The following OIT3 variants were observed in gnomAD, a reference collection of about 807,000 sequenced individuals.
OIT3 encodes oncoprotein-induced transcript 3 protein.
A neutral mutation model predicts 52.2 loss-of-function variants in OIT3; 41 were observed. The observed-to-expected ratio is 0.79, with a 90% CI of 0.61 to 1.02. The LOEUF (loss-of-function observed/expected upper bound fraction) is 1.02. Ranked by LOEUF, OIT3 falls within the 50% of genes least tolerant of loss-of-function variation. The probability of loss-of-function intolerance (pLI) is 0.00; values close to 1 mark genes in which losing one functional copy is unlikely to be tolerated. For missense variants in OIT3, 634 were observed against 715.5 expected (o/e 0.89, Z 1.30); for synonymous variants, 244 against 276.9 (o/e 0.88, Z 1.18).
chr10:72,895,564 G>A (rs1388569295), intron 1 of OIT3, among the ~76,000 whole-genome samples: 2 of 152,196 alleles, frequency 1.3e-5, no homozygotes, highest in Non-Finnish European at 2.9e-5. Context: ...GAGGAGGATG[G>A]AAGAGGATGG....
chr10:72,919,143 T>G (rs1846100022), intron 6 of OIT3, among the ~76,000 whole-genome samples: 1 of 152,204 alleles, frequency 6.6e-6, no homozygotes, highest in Non-Finnish European at 1.5e-5. Flanking sequence ...TGGTTTATAG[T>G]TCTCCTTTTA....
At chr10:72,898,544 A>T in intron 1 of OIT3, 120 bp from the exon 2 acceptor site, 1 of 919,268 alleles carries the variant, frequency 1.1e-6, no homozygotes, top group Non-Finnish European at 1.6e-6. Flanking sequence ...TTGTGACCTT[A>T]ACTAATTTCT....
Position 72,899,043 on chromosome 10 carries a change from G to A in OIT3, c.436+5G>A, listed in dbSNP as rs748043367. The stretch of plus-strand genomic sequence containing the variant: ...GCTTCCACGTCTACTGTGGTCGTGA[G>A]TACCTTCCCTGTGCTCTTTTTCTCC... On this transcript the variant is annotated splice_donor_5th_base_variant and intron_variant, in intron 2 of 8. Transcript: ENST00000334011. The A allele has an allele frequency of 2.5e-6, 4 of 1,592,594 alleles. No homozygotes were observed. The highest frequency in any genetic ancestry group is 1.1e-5 in the South Asian group (1 of 88,882).
rs1396771326 is a variant in OIT3, at chr10:72,902,046, C to A, written c.544+1562C>A. ...AGAGCAAGACCCTGTCTCTGAAAAA[C>A]AAAACAAAACAAAACAAAACATAAA... On this transcript the variant is annotated intron_variant, in intron 3 of 8. Coordinates refer to ENST00000334011, the MANE Select transcript of OIT3 (RefSeq NM_152635.3). 2.0e-5 allele frequency among the ~76,000 whole-genome samples: 3 copies of A among 151,684 alleles called. No individual in the cohort carries two copies. The East Asian group carries it at 5.8e-4, about 29-fold the overall frequency.
intron 4 of OIT3, among the ~76,000 whole-genome samples, chr10:72,910,367 G>T (rs527236823): frequency 1.3e-5 from 2 of 152,168 alleles, no homozygotes; most frequent in Admixed American, 1.3e-4. Flanking sequence ...ATACACAGAT[G>T]TATAATGGCC....
chr10:72,921,013 G>A (rs1269732782), intron 6 of OIT3, among the ~76,000 whole-genome samples: 1 of 152,182 alleles, frequency 6.6e-6, no homozygotes, highest in Non-Finnish European at 1.5e-5. Flanking sequence ...AATATTGTCA[G>A]TGGGGTGTTA....
chr10:72,900,312 A>G, intron 2 of OIT3, 65 bp from the exon 3 acceptor site: 1 of 885,218 alleles, frequency 1.1e-6, no homozygotes, highest in Non-Finnish European at 1.8e-6. Context: ...CACCATCTCT[A>G]AAAAGAATGA....
At chr10:72,925,235 G>C (rs966271918) in intron 7 of OIT3, among the ~76,000 whole-genome samples, 2 of 151,928 alleles carry the variant, frequency 1.3e-5, no homozygotes, top group Non-Finnish European at 2.9e-5. Flanking sequence ...TACTGAATTT[G>C]GTCATTCAAA....
chr10:72,909,543 CTT>C (rs1292670005), intron 4 of OIT3, among the ~76,000 whole-genome samples: 3 of 151,872 alleles, frequency 2.0e-5, no homozygotes, highest in Admixed American at 6.6e-5. Context: ...TAATTCAGCT[CTT>C]GTTAGTTTTT....
At chr10:72,902,758 T>G (rs1845944647) in intron 3 of OIT3, among the ~76,000 whole-genome samples, 1 of 152,104 alleles carries the variant, frequency 6.6e-6, no homozygotes, top group African/African-American at 2.4e-5. Flanking sequence ...TCGTGAGACT[T>G]ACTTACTACC....
In OIT3 at chr10:72,917,736, G is replaced by A. The variant is rs992661278; in HGVS notation, c.951+4268G>A. ...ACTGATGAACTTGGCTGCCACTTTG[G>A]GAAGAGAATCACCTTTTTCTGTACT... is the stretch of plus-strand genomic sequence containing the variant. On this transcript the variant is annotated intron_variant, in intron 6 of 8. Transcript: ENST00000334011. 19 of 1,153,862 alleles carry A rather than the reference G, an allele frequency of 1.6e-5. No homozygotes were observed. In the African/African-American group the frequency reaches 2.9e-4, roughly 17 times the overall value. 71.5% of individuals were successfully genotyped at this position (1,153,862 alleles called of 1,614,324 possible).
At chr10:72,931,859 C>T (rs1280439778) in intron 8 of OIT3, among the ~76,000 whole-genome samples, 1 of 152,190 alleles carries the variant, frequency 6.6e-6, no homozygotes, top group African/African-American at 2.4e-5. Flanking sequence ...CCCAGCTATA[C>T]CATGGTTACA....
At chr10:72,908,055 C>T (rs999952865) in intron 4 of OIT3, among the ~76,000 whole-genome samples, 14 of 152,078 alleles carry the variant, frequency 9.2e-5, no homozygotes, top group Non-Finnish European at 1.3e-4. Flanking sequence ...TCAGCCTGGC[C>T]AACATGGTAA....
chr10:72,899,684 C>T (rs1235223931), intron 2 of OIT3, among the ~76,000 whole-genome samples: 1 of 149,544 alleles, frequency 6.7e-6, no homozygotes, highest in Non-Finnish European at 1.5e-5. Flanking sequence ...ATGGAGAACC[C>T]CTTTTTAAGA....
chr10:72,926,181 C>G (rs1009280198), intron 7 of OIT3, among the ~76,000 whole-genome samples: 1 of 152,230 alleles, frequency 6.6e-6, no homozygotes, highest in South Asian at 2.1e-4. Context: ...TCAGCACCCT[C>G]GGGGGCTTGC....
Position 72,911,803 on chromosome 10 carries a change from G to T in OIT3, c.754G>T (p.Gly252Cys), listed in dbSNP as rs770662474. The T allele has an allele frequency of 6.2e-7, 1 of 1,613,642 alleles. No individual in the cohort carries two copies. The highest frequency in any genetic ancestry group is 1.1e-5 in the South Asian group (1 of 91,022). Residue 252 changes from glycine to cysteine, a missense_variant, in exon 5 of 9, where the codon GGC becomes TGC. By Grantham distance (159) the Gly-to-Cys change is radical (BLOSUM62 -3). Transcript: ENST00000334011. ...AGGCTACCAGTGTGAATGTCCCCGG[G>T]GCCTGGTGCTGTCTGAGGATAACCA... ...EKGYQCECPR[G>C]LVLSEDNHTC...
chr10:72,916,776 C>G (rs1411717339), intron 6 of OIT3, among the ~76,000 whole-genome samples: 1 of 152,188 alleles, frequency 6.6e-6, no homozygotes, highest in Non-Finnish European at 1.5e-5. Context: ...AATGGTTGAA[C>G]TAATTTACAC....
Position 72,932,594 on chromosome 10 carries a change from C to G in OIT3, c.*70C>G, listed in dbSNP as rs1021202054. On this transcript the variant is annotated 3_prime_UTR_variant, in exon 9 of 9. Transcript: ENST00000334011. ...TTGGAGCTTCTCCCCCCACCGCCCT[C>G]TAAGAACATCTGCCAACAGCTGGGT... The G allele has an allele frequency of 7.2e-7, 1 of 1,382,916 alleles. No individual in the cohort carries two copies. Among genetic ancestry groups the G allele is most frequent in the Non-Finnish European group, 9.8e-7 (1 of 1,017,040 alleles). The allele number at this position is 1,382,916 out of a possible 1,614,324, so 85.7% of individuals were successfully genotyped here.
chr10:72,911,734 A>G lies in OIT3; in HGVS notation c.685A>G (p.Asn229Asp). The part of the protein sequence containing the change: ...KTCEDVEGCH[N>D]NNGGCSHSCL... The stretch of plus-strand genomic sequence containing the variant: ...TACTGCAGACGTTGAAGGATGCCAC[A>G]ATAACAATGGTGGCTGCAGCCACTC... The change falls in exon 5 of 9, where the codon AAT (asparagine) becomes GAT (aspartate). Residue 229 changes from asparagine to aspartate, a missense_variant. Physicochemically the swap from Asn to Asp is conservative, Grantham distance 23 (BLOSUM62 1). Transcript: ENST00000334011. The G allele has an allele frequency of 6.2e-7, 1 of 1,613,622 alleles. No homozygotes were observed. The highest frequency in any genetic ancestry group is 8.5e-7 in the Non-Finnish European group (1 of 1,179,668).
Sources: gnomAD v4.1 joint callset for allele counts (sites outside exome capture counted in the v4.1 genomes callset) on GRCh38, gnomAD v4.1.1 for gene constraint, MANE v1.5 for transcripts, NCBI Gene and HGNC (gene_info 2026-07-23, HGNC 2026-07-21) for gene names.